Variants in ATG10 observed in about 807,000 individuals in gnomAD.
ATG10 encodes the protein autophagy related 10.
In ATG10, 30 loss-of-function variants were observed where a neutral mutation model predicts 32.1. The observed-to-expected ratio is 0.94, with a 90% CI of 0.70 to 1.27. The LOEUF (loss-of-function observed/expected upper bound fraction) is 1.27. Ranked by LOEUF, ATG10 falls within the 50% of genes most tolerant of loss-of-function variation. The probability of loss-of-function intolerance (pLI) is 0.00; values close to 1 mark genes in which losing one functional copy is unlikely to be tolerated. For synonymous variants in ATG10, 87 were observed against 91.5 expected, an observed-to-expected ratio of 0.95 and a Z score of 0.28; for missense variants, 233 against 262.3, an observed-to-expected ratio of 0.89 and a Z score of 0.77.
intron 3 of ATG10, among the ~76,000 whole-genome samples, chr5:82,112,223 C>G (rs1255350089): frequency 6.6e-6 from 1 of 151,880 alleles, no homozygotes; most frequent in Admixed American, 6.6e-5. Context: ...GCATCTTTCT[C>G]CTCTTTATCA....
At chr5:81,976,190 T>C (rs2149650533) in intron 1 of ATG10, 1 of 151,252 alleles carries the variant, frequency 6.6e-6, no homozygotes, top group Middle Eastern at 3.4e-3. Flanking sequence ...TTTGTATTTT[T>C]AGTAGAGACG....
chr5:82,209,243 T>C (rs1745407941), intron 5 of ATG10, among the ~76,000 whole-genome samples: 1 of 152,322 alleles, frequency 6.6e-6, no homozygotes, highest in East Asian at 1.9e-4. Context: ...TGGCTACTTT[T>C]AATATTAACT....
intron 5 of ATG10, among the ~76,000 whole-genome samples, chr5:82,226,417 A>G (rs771175758): frequency 6.6e-6 from 1 of 152,142 alleles, no homozygotes; most frequent in Non-Finnish European, 1.5e-5. Context: ...AGTCAGTGAA[A>G]TAAACATCAC....
In ATG10 at chr5:82,010,069, C is replaced by T. The variant is rs933599438; in HGVS notation, c.108+22391C>T. The T allele has an allele frequency of 8.1e-6, 13 of 1,609,646 alleles. No individual in the cohort carries two copies. The South Asian group carries it at 8.8e-5, about 11-fold the overall frequency. On this transcript the variant is annotated intron_variant, in intron 2 of 7. Transcript: ENST00000282185. ...AAGGGCTCGCCATCGACGGCAATGT[C>T]GAAGAACACGGTGGGGTTGACCATG...
At chr5:82,140,654 C>T (rs1767077833) in intron 3 of ATG10, among the ~76,000 whole-genome samples, 1 of 54,126 alleles carries the variant, frequency 1.8e-5, no homozygotes, top group Non-Finnish European at 4.0e-5. Context: ...TGAGGGGCGC[C>T]TCTGCCCGGC....
intron 3 of ATG10, among the ~76,000 whole-genome samples, chr5:82,139,710 T>C (rs1300726719): frequency 5.4e-4 from 63 of 116,954 alleles, no homozygotes; most frequent in African/African-American, 2.1e-3. Context: ...GGGAGGGAGG[T>C]GGGGGGGGGT....
intron 5 of ATG10, among the ~76,000 whole-genome samples, chr5:82,232,719 TTTCTTTTCTC>T (rs1369514041): frequency 6.6e-6 from 1 of 151,972 alleles, no homozygotes; most frequent in Non-Finnish European, 1.5e-5. Flanking sequence ...CCTCTTTTGC[TTTCTTTTCTC>T]TTCTTGTCTT....
At chr5:82,045,619 C>T (rs1485846384) in intron 2 of ATG10, among the ~76,000 whole-genome samples, 2 of 152,014 alleles carry the variant, frequency 1.3e-5, no homozygotes, top group Non-Finnish European at 1.5e-5. Context: ...TGATAGATGA[C>T]ACAGAGAAGG....
chr5:82,172,485 A>G (rs1743845678), intron 4 of ATG10, among the ~76,000 whole-genome samples: 1 of 152,184 alleles, frequency 6.6e-6, no homozygotes, highest in South Asian at 2.1e-4. Flanking sequence ...CTTGACACTT[A>G]GTGCCTTTCA....
At chr5:82,087,112 C>T (rs1477524552) in intron 3 of ATG10, among the ~76,000 whole-genome samples, 1 of 152,078 alleles carries the variant, frequency 6.6e-6, no homozygotes, top group Non-Finnish European at 1.5e-5. Context: ...AGCTTTTGAC[C>T]TGGAACTCAA....
chr5:82,040,995 T>C (rs777472003), intron 2 of ATG10, among the ~76,000 whole-genome samples: 3 of 152,202 alleles, frequency 2.0e-5, no homozygotes, highest in Admixed American at 6.5e-5. Flanking sequence ...TGCCTTTGTT[T>C]TATTCAAATG....
At chr5:82,216,711 G>A (rs1745694161) in intron 5 of ATG10, among the ~76,000 whole-genome samples, 1 of 152,156 alleles carries the variant, frequency 6.6e-6, no homozygotes, top group South Asian at 2.1e-4. Flanking sequence ...TAAAACTCAT[G>A]CTATTAGGAG....
intron 5 of ATG10, among the ~76,000 whole-genome samples, chr5:82,229,763 T>G (rs964523452): frequency 6.6e-6 from 1 of 152,146 alleles, no homozygotes; most frequent in African/African-American, 2.4e-5. Context: ...TCTGTGGACA[T>G]GGAGGGCCAA....
intron 5 of ATG10, among the ~76,000 whole-genome samples, chr5:82,202,114 C>T (rs1430977513): frequency 6.6e-6 from 1 of 152,066 alleles, no homozygotes; most frequent in African/African-American, 2.4e-5. Context: ...TTTCTTGCCA[C>T]ATTGCACTGG....
At chr5:81,982,576 T>G (rs575748739) in intron 1 of ATG10, among the ~76,000 whole-genome samples, 1 of 152,338 alleles carries the variant, frequency 6.6e-6, no homozygotes, top group East Asian at 1.9e-4. Context: ...TTTATTTATT[T>G]ATTTTTATTG....
chr5:82,026,583 T>C (rs1270171553), intron 2 of ATG10, among the ~76,000 whole-genome samples: 2 of 152,326 alleles, frequency 1.3e-5, no homozygotes, highest in East Asian at 3.9e-4. Context: ...TTGTTACTTC[T>C]TGACTGACTT....
chr5:82,214,947 A>G (rs1745621402), intron 5 of ATG10, among the ~76,000 whole-genome samples: 1 of 152,230 alleles, frequency 6.6e-6, no homozygotes, highest in Non-Finnish European at 1.5e-5. Context: ...CTCCTGTTAA[A>G]TATTTACTAA....
chr5:82,096,958 C>A (rs906359340), intron 3 of ATG10, among the ~76,000 whole-genome samples: 1 of 152,082 alleles, frequency 6.6e-6, no homozygotes, highest in Admixed American at 6.6e-5. Context: ...AATGTCTTCT[C>A]AGTTACCTCA....
chr5:82,104,547 G>T (rs1393946027), intron 3 of ATG10, among the ~76,000 whole-genome samples: 1 of 151,794 alleles, frequency 6.6e-6, no homozygotes, highest in Non-Finnish European at 1.5e-5. Context: ...TTTAACATCC[G>T]ATTTTATAGG....
Sources: gnomAD v4.1 joint callset for allele counts (sites outside exome capture counted in the v4.1 genomes callset) on GRCh38, gnomAD v4.1.1 for gene constraint, MANE v1.5 for transcripts, NCBI Gene and HGNC (gene_info 2026-07-23, HGNC 2026-07-21) for gene names.